MECOM: variants seen among roughly 807,000 people sequenced by gnomAD.
MECOM encodes histone-lysine N-methyltransferase MECOM.
Under a neutral mutation model 116.3 loss-of-function variants are expected in MECOM, and 13 were observed. That is an observed-to-expected ratio of 0.11 (90% CI 0.07 to 0.18). The LOEUF (loss-of-function observed/expected upper bound fraction) is 0.18. Among genes scored for constraint, MECOM ranks in the 10% least tolerant of loss-of-function variants. The pLI, the probability that MECOM is intolerant of heterozygous loss-of-function variation, is 1.00. For missense variants in MECOM, 1,299 were observed against 1,509.0 expected (o/e 0.86, Z 2.31); for synonymous variants, 528 against 535.2 (o/e 0.99, Z 0.19).
chr3:169,180,309 T>C (rs1559959435), intron 2 of MECOM, among the ~76,000 whole-genome samples: 1 of 152,146 alleles, frequency 6.6e-6, no homozygotes, highest in East Asian at 1.9e-4. Flanking sequence ...GAAAAGGTTT[T>C]ACCATCTAAT....
chr3:169,235,487 A>G (rs1053047599), intron 2 of MECOM, among the ~76,000 whole-genome samples: 4 of 152,034 alleles, frequency 2.6e-5, no homozygotes, highest in African/African-American at 9.7e-5. Flanking sequence ...ACATGCATAC[A>G]CACACACACC....
chr3:169,175,044 A>G (rs1744942885), intron 2 of MECOM, among the ~76,000 whole-genome samples: 1 of 152,148 alleles, frequency 6.6e-6, no homozygotes, highest in African/African-American at 2.4e-5. Context: ...CTGAAATTGG[A>G]CAGAACTGTG....
chr3:169,596,832 C>G (rs1254946692), intron 1 of MECOM, among the ~76,000 whole-genome samples: 11 of 151,960 alleles, frequency 7.2e-5, no homozygotes, highest in Non-Finnish European at 1.2e-4. Context: ...TTACAAATAC[C>G]TTAGTTTAAT....
At chr3:169,094,811 C>T (rs977999104) in intron 13 of MECOM, among the ~76,000 whole-genome samples, 3 of 152,118 alleles carry the variant, frequency 2.0e-5, no homozygotes, top group East Asian at 1.9e-4. Context: ...AAGTCTCCTG[C>T]GAGTTTAGGT....
intron 2 of MECOM, among the ~76,000 whole-genome samples, chr3:169,232,893 A>G (rs1165086397): frequency 6.6e-6 from 1 of 151,940 alleles, no homozygotes; most frequent in East Asian, 1.9e-4. Context: ...CAGCCTTTTC[A>G]TGTATATTTA....
chr3:169,425,701 C>T (rs1199816179), intron 1 of MECOM, among the ~76,000 whole-genome samples: 1 of 152,102 alleles, frequency 6.6e-6, no homozygotes, highest in African/African-American at 2.4e-5. Flanking sequence ...TTCTTAGCCA[C>T]TTTATTTTGC....
intron 16 of MECOM, chr3:169,086,426 T>C (rs762393820): frequency 1.1e-5 from 7 of 618,842 alleles, no homozygotes; most frequent in African/African-American, 1.8e-5. Context: ...TTAAAACAAA[T>C]TCTGATATTT....
intron 1 of MECOM, among the ~76,000 whole-genome samples, chr3:169,451,360 T>C (rs1056920025): frequency 6.6e-6 from 1 of 152,198 alleles, no homozygotes; most frequent in South Asian, 2.1e-4. Flanking sequence ...ACTCTACTTG[T>C]AAAAATGAAT....
chr3:169,368,809 T>A (rs1364949080), intron 2 of MECOM, among the ~76,000 whole-genome samples: 1 of 152,032 alleles, frequency 6.6e-6, no homozygotes, highest in Non-Finnish European at 1.5e-5. Context: ...AATATTTTAT[T>A]GTGAGTTTTA....
intron 2 of MECOM, among the ~76,000 whole-genome samples, chr3:169,348,323 C>G (rs1019574552): frequency 5.9e-5 from 9 of 152,038 alleles, no homozygotes; most frequent in Non-Finnish European, 8.8e-5. Flanking sequence ...AATCTTACTA[C>G]TTTATAGTCA....
intron 2 of MECOM, among the ~76,000 whole-genome samples, chr3:169,344,419 A>G (rs1725028102): frequency 6.6e-6 from 1 of 152,146 alleles, no homozygotes; most frequent in Admixed American, 6.6e-5. Flanking sequence ...AAGAGTATAA[A>G]GTGCTCAAGC....
intron 1 of MECOM, among the ~76,000 whole-genome samples, chr3:169,590,660 T>G (rs773874909): frequency 2.6e-5 from 4 of 152,218 alleles, no homozygotes; most frequent in Non-Finnish European, 4.4e-5. Context: ...AAATCAACAG[T>G]GTGATTCTCA....
intron 1 of MECOM, among the ~76,000 whole-genome samples, chr3:169,413,217 G>A (rs1490772492): frequency 6.6e-6 from 1 of 152,230 alleles, no homozygotes; most frequent in African/African-American, 2.4e-5. Flanking sequence ...AGCCGAAGCA[G>A]GGTGAGGCAT....
At chr3:169,138,971 C>T (rs1362624995) in intron 3 of MECOM, among the ~76,000 whole-genome samples, 1 of 151,968 alleles carries the variant, frequency 6.6e-6, no homozygotes, top group African/African-American at 2.4e-5. Context: ...GGAGAGCGAA[C>T]GCGGGGTGCC....
At chr3:169,414,892 C>T (rs1186328325) in intron 1 of MECOM, among the ~76,000 whole-genome samples, 1 of 152,094 alleles carries the variant, frequency 6.6e-6, no homozygotes, top group Non-Finnish European at 1.5e-5. Context: ...TGTGAAAAGA[C>T]CAAACCTATG....
intron 1 of MECOM, among the ~76,000 whole-genome samples, chr3:169,559,979 T>G (rs1762464591): frequency 1.3e-5 from 2 of 152,192 alleles, no homozygotes; most frequent in Admixed American, 1.3e-4. Context: ...ATCTGAAACT[T>G]TTATTATACC....
At chr3:169,548,829 G>A (rs1241177295) in intron 1 of MECOM, among the ~76,000 whole-genome samples, 2 of 152,156 alleles carry the variant, frequency 1.3e-5, no homozygotes, top group Admixed American at 6.5e-5. Flanking sequence ...ACATATGTTA[G>A]GCACTGGGTA....
At chr3:169,537,068 A>G (rs185374351) in intron 1 of MECOM, among the ~76,000 whole-genome samples, 3 of 152,300 alleles carry the variant, frequency 2.0e-5, no homozygotes, top group Admixed American at 2.0e-4. Context: ...TGGATCTTCC[A>G]ACATTTAGCC....
chr3:169,415,455 C>T (rs1018173459), intron 1 of MECOM, among the ~76,000 whole-genome samples: 3 of 152,178 alleles, frequency 2.0e-5, no homozygotes, highest in Admixed American at 6.5e-5. Flanking sequence ...ATCATCGACA[C>T]TATGAAGAAA....
Sources: gnomAD v4.1 joint callset for allele counts (sites outside exome capture counted in the v4.1 genomes callset) on GRCh38, gnomAD v4.1.1 for gene constraint, MANE v1.5 for transcripts, NCBI Gene and HGNC (gene_info 2026-07-23, HGNC 2026-07-21) for gene names.